Variants in ATRNL1 observed in about 807,000 individuals in gnomAD.
ATRNL1 encodes the protein attractin like 1.
ATRNL1 carries 95 observed loss-of-function variants against 182.7 expected under a neutral mutation model. The observed-to-expected ratio is 0.52, with a 90% CI of 0.44 to 0.62. ATRNL1 has a LOEUF of 0.62. Ranked by LOEUF, ATRNL1 falls within the 20% of genes least tolerant of loss-of-function variation. The pLI, the probability that ATRNL1 is intolerant of heterozygous loss-of-function variation, is 0.00. For synonymous variants in ATRNL1, 576 were observed against 568.3 expected, an observed-to-expected ratio of 1.01 and a Z score of -0.19; for missense variants, 1,471 against 1,679.5, an observed-to-expected ratio of 0.88 and a Z score of 2.17.
chr10:115,104,646 C>G (rs1236484306), intron 1 of ATRNL1, among the ~76,000 whole-genome samples: 1 of 152,020 alleles, frequency 6.6e-6, no homozygotes, highest in Non-Finnish European at 1.5e-5. Context: ...GGAGAGTTTT[C>G]CCAATGTTGT....
At chr10:115,365,767 T>G (rs1554945754) in intron 19 of ATRNL1, among the ~76,000 whole-genome samples, 2 of 152,168 alleles carry the variant, frequency 1.3e-5, no homozygotes, top group African/African-American at 4.8e-5. Flanking sequence ...TCTGCCTTCA[T>G]TTCGTTATGT....
chr10:115,741,458 A>G (rs1195175192), intron 27 of ATRNL1, among the ~76,000 whole-genome samples: 1 of 152,202 alleles, frequency 6.6e-6, no homozygotes. Context: ...CATTCACCCA[A>G]TGAGGAAGCA....
At chr10:115,605,447 A>T (rs1555017304) in intron 26 of ATRNL1, among the ~76,000 whole-genome samples, 1 of 152,138 alleles carries the variant, frequency 6.6e-6, no homozygotes, top group African/African-American at 2.4e-5. Flanking sequence ...ATATTTTAAT[A>T]ATACACCTTT....
chr10:115,139,068 CAA>C (rs1439105082), intron 5 of ATRNL1, among the ~76,000 whole-genome samples: 1 of 152,218 alleles, frequency 6.6e-6, no homozygotes, highest in Non-Finnish European at 1.5e-5. Context: ...TAAAACAAAA[CAA>C]GAGTCACCTT....
intron 25 of ATRNL1, 152 bp downstream of exon 25, chr10:115,519,476 A>G: frequency 1.5e-6 from 1 of 659,524 alleles, no homozygotes; most frequent in Non-Finnish European, 2.6e-6. Flanking sequence ...TATCCCACAG[A>G]GGAGAGGTAA....
chr10:115,521,422 G>A (rs1383023718), intron 25 of ATRNL1, among the ~76,000 whole-genome samples: 3 of 152,002 alleles, frequency 2.0e-5, no homozygotes, highest in African/African-American at 7.2e-5. Context: ...CAAAGTGCTG[G>A]GATTACAAGT....
At chr10:115,150,186 T>A (rs1846157873) in intron 5 of ATRNL1, among the ~76,000 whole-genome samples, 1 of 152,102 alleles carries the variant, frequency 6.6e-6, no homozygotes, top group Non-Finnish European at 1.5e-5. Flanking sequence ...ATATCAGTTG[T>A]AACGTGTCCT....
intron 26 of ATRNL1, among the ~76,000 whole-genome samples, chr10:115,648,081 G>A (rs1450548108): frequency 6.6e-6 from 1 of 151,990 alleles, no homozygotes; most frequent in African/African-American, 2.4e-5. Flanking sequence ...GTTTTTGTCA[G>A]GTTTGTCAAA....
intron 27 of ATRNL1, among the ~76,000 whole-genome samples, chr10:115,803,653 G>C (rs1593238069): frequency 6.6e-6 from 1 of 151,202 alleles, no homozygotes; most frequent in East Asian, 1.9e-4. Flanking sequence ...TTTTGATTCG[G>C]TACATTCCTT....
intron 8 of ATRNL1, among the ~76,000 whole-genome samples, chr10:115,178,739 A>C: frequency 6.6e-6 from 1 of 152,244 alleles, no homozygotes; most frequent in East Asian, 1.9e-4. Context: ...ATGTGAGGAC[A>C]CAGCATTCTT....
intron 19 of ATRNL1, among the ~76,000 whole-genome samples, chr10:115,385,114 A>G (rs942864597): frequency 1.2e-4 from 18 of 152,092 alleles, no homozygotes; most frequent in African/African-American, 3.6e-4. Context: ...GTCACCTTAT[A>G]GGAAATTGTC....
intron 9 of ATRNL1, 60 bp from the exon 10 acceptor site, chr10:115,241,511 A>G (rs1850421518): frequency 8.3e-7 from 1 of 1,207,344 alleles, no homozygotes; most frequent in Admixed American, 2.0e-5. Context: ...TATATAACAT[A>G]TATAAAATCA....
chr10:115,918,364 A>G (rs1952942263), intron 28 of ATRNL1, among the ~76,000 whole-genome samples: 2 of 152,096 alleles, frequency 1.3e-5, no homozygotes, highest in South Asian at 4.1e-4. Flanking sequence ...TGGCCTCGCA[A>G]AGTCCTAGGA....
At chr10:115,468,377 A>G (rs1306771793) in intron 23 of ATRNL1, among the ~76,000 whole-genome samples, 1 of 150,870 alleles carries the variant, frequency 6.6e-6, no homozygotes, top group Non-Finnish European at 1.5e-5. Context: ...ATTTTTATTT[A>G]TCAGATTTGG....
At chr10:115,803,594 T>G (rs1555084938) in intron 27 of ATRNL1, among the ~76,000 whole-genome samples, 1 of 141,850 alleles carries the variant, frequency 7.0e-6, no homozygotes, top group African/African-American at 2.6e-5. Context: ...TTTGGGTTTT[T>G]TTGTGTTTTT....
At chr10:115,854,820 C>T (rs1272897149) in intron 28 of ATRNL1, among the ~76,000 whole-genome samples, 26 of 152,142 alleles carry the variant, frequency 1.7e-4, no homozygotes, top group Admixed American at 1.6e-3. Flanking sequence ...ATCCCTGGAG[C>T]GGACAGAGAA....
At chr10:115,760,298 G>T (rs1161853366) in intron 27 of ATRNL1, among the ~76,000 whole-genome samples, 1 of 151,580 alleles carries the variant, frequency 6.6e-6, no homozygotes, top group Non-Finnish European at 1.5e-5. Flanking sequence ...TTTTGCTCTA[G>T]TACATGTAAT....
At chr10:115,908,844 A>G (rs1952581640) in intron 28 of ATRNL1, among the ~76,000 whole-genome samples, 1 of 152,058 alleles carries the variant, frequency 6.6e-6, no homozygotes, top group Non-Finnish European at 1.5e-5. Context: ...CCTACTCATT[A>G]CTTTTTTCTT....
intron 20 of ATRNL1, among the ~76,000 whole-genome samples, chr10:115,417,364 G>C (rs545224903): frequency 6.6e-6 from 1 of 152,308 alleles, no homozygotes; most frequent in East Asian, 1.9e-4. Flanking sequence ...CCCAGAGGGA[G>C]ACTTGCCCAT....
Sources: gnomAD v4.1 joint callset for allele counts (sites outside exome capture counted in the v4.1 genomes callset) on GRCh38, gnomAD v4.1.1 for gene constraint, MANE v1.5 for transcripts, NCBI Gene and HGNC (gene_info 2026-07-23, HGNC 2026-07-21) for gene names.